The following MEGF11 variants were observed in gnomAD, a reference collection of about 807,000 sequenced individuals.
The protein encoded by MEGF11 is multiple EGF like domains 11.
MEGF11 carries 126 observed loss-of-function variants against 146.6 expected under a neutral mutation model. The observed-to-expected ratio is 0.86, with a 90% CI of 0.74 to 1.00. The LOEUF (loss-of-function observed/expected upper bound fraction) is 1.00, where lower values mean the gene tolerates loss of function less well. MEGF11 is among the 50% of genes least tolerant of loss of function. The pLI is 0.00. For synonymous variants in MEGF11, 532 were observed against 583.4 expected, an observed-to-expected ratio of 0.91 and a Z score of 1.27; for missense variants, 1,509 against 1,521.2, an observed-to-expected ratio of 0.99 and a Z score of 0.13.
At chr15:66,192,505 T>C (rs934393695) in intron 1 of MEGF11, among the ~76,000 whole-genome samples, 10 of 149,492 alleles carry the variant, frequency 6.7e-5, no homozygotes, top group Non-Finnish European at 1.2e-4. Flanking sequence ...TAAAATAAAA[T>C]AAAATAAAAT....
chr15:66,046,780 C>A (rs189451149), intron 5 of MEGF11, among the ~76,000 whole-genome samples: 12 of 152,314 alleles, frequency 7.9e-5, no homozygotes, highest in Admixed American at 3.3e-4. Flanking sequence ...ACACAGTAGG[C>A]TTTGCTGGCC....
At chr15:66,098,577 T>C (rs370773095) in intron 4 of MEGF11, among the ~76,000 whole-genome samples, 1 of 152,096 alleles carries the variant, frequency 6.6e-6, no homozygotes. Flanking sequence ...GAAAGGGTGG[T>C]AGCCTCCCAG....
intron 5 of MEGF11, among the ~76,000 whole-genome samples, chr15:65,984,755 T>TTTAC (rs994279416): frequency 6.6e-6 from 1 of 150,442 alleles, no homozygotes; most frequent in Admixed American, 6.6e-5. Context: ...ACAACCACAT[T>TTTAC]TTACTTATTT....
At chr15:65,905,195 A>G (rs1298374748) in intron 24 of MEGF11, 2 of 152,220 alleles carry the variant, frequency 1.3e-5, no homozygotes, top group Non-Finnish European at 2.9e-5. Flanking sequence ...GCCCGGCCTT[A>G]AGCTGTTTTA....
chr15:66,251,377 G>A (rs1009007649), intron 1 of MEGF11, among the ~76,000 whole-genome samples: 1 of 152,140 alleles, frequency 6.6e-6, no homozygotes, highest in African/African-American at 2.4e-5. Context: ...ATGCCTACAT[G>A]CACTCACTTC....
At chr15:66,198,852 C>T (rs546857099) in intron 1 of MEGF11, among the ~76,000 whole-genome samples, 1 of 152,266 alleles carries the variant, frequency 6.6e-6, no homozygotes, top group Non-Finnish European at 1.5e-5. Flanking sequence ...GGGCTCAAGC[C>T]ATCCGCCTGC....
Position 65,963,418 on chromosome 15 carries a change from A to G in MEGF11, c.1112+1490T>C, listed in dbSNP as rs535221242. Among the ~76,000 whole-genome samples the G allele has an allele frequency of 6.2e-4, 94 of 152,208 alleles. 1 individual carries two copies. Among genetic ancestry groups the G allele is most frequent in the African/African-American group, 2.1e-3 (88 of 41,496 alleles). On this transcript the variant is annotated intron_variant, in intron 9 of 25. Coordinates refer to ENST00000395614, the MANE Select transcript of MEGF11 (RefSeq NM_001385028.1). ...CAGCAGGGCCAGCCACATATATTTC[A>G]TCAGTTCTAAGATGTACTTCTCCTC...
intron 5 of MEGF11, among the ~76,000 whole-genome samples, chr15:66,042,373 G>C (rs1395984740): frequency 2.0e-5 from 3 of 152,126 alleles, no homozygotes; most frequent in Non-Finnish European, 4.4e-5. Context: ...GCCTCCCAAA[G>C]TGCTGGGATT....
At chr15:65,953,460 C>G (rs746704708) in intron 10 of MEGF11, among the ~76,000 whole-genome samples, 4 of 152,154 alleles carry the variant, frequency 2.6e-5, no homozygotes, top group Non-Finnish European at 5.9e-5. Context: ...GTCGCTAATC[C>G]TGTTTGAACT....
chr15:65,959,219 A>G (rs1567176746), intron 9 of MEGF11, among the ~76,000 whole-genome samples: 1 of 152,196 alleles, frequency 6.6e-6, no homozygotes, highest in Non-Finnish European at 1.5e-5. Context: ...CTCAGGGCCC[A>G]ACAGAGTCCC....
intron 2 of MEGF11, among the ~76,000 whole-genome samples, chr15:66,126,779 C>A (rs191810119): frequency 1.3e-5 from 2 of 152,188 alleles, no homozygotes; most frequent in African/African-American, 2.4e-5. Context: ...GGGCTCTTCC[C>A]GATACCTCTC....
intron 3 of MEGF11, among the ~76,000 whole-genome samples, chr15:66,120,913 C>T (rs2087990731): frequency 1.3e-5 from 2 of 152,158 alleles, no homozygotes; most frequent in Non-Finnish European, 1.5e-5. Flanking sequence ...TTGTTTCTAG[C>T]TCACCCATCT....
Position 66,054,398 on chromosome 15 carries a change from C to T in MEGF11, c.394+40004G>A, listed in dbSNP as rs560676112. ...AACTCCAGCCCCTCATCTCCACCTG[C>T]CCCCACAGACTCTCCAACATTCCCA... is the stretch of plus-strand genomic sequence containing the variant. On this transcript the variant is annotated intron_variant, in intron 5 of 25. Transcript: ENST00000395614. 2.8e-4 allele frequency among the ~76,000 whole-genome samples: 42 copies of T among 152,336 alleles called. No individual in the cohort carries two copies. In the South Asian group the frequency reaches 8.7e-3, roughly 32 times the overall value.
intron 8 of MEGF11, among the ~76,000 whole-genome samples, chr15:65,970,051 C>T (rs145292366): frequency 2.4e-4 from 36 of 152,264 alleles, no homozygotes; most frequent in African/African-American, 8.4e-4. Context: ...TGATTATCCA[C>T]TCTGCAAGGC....
intron 10 of MEGF11, among the ~76,000 whole-genome samples, chr15:65,931,392 T>G (rs2079569978): frequency 1.3e-5 from 2 of 152,158 alleles, no homozygotes; most frequent in South Asian, 4.1e-4. Flanking sequence ...CTGTCCACAC[T>G]GTGAGCGAGC....
Position 65,981,516 on chromosome 15 carries a change from G to A in MEGF11, c.642-618C>T, listed in dbSNP as rs941801315. Among the ~76,000 whole-genome samples the A allele has an allele frequency of 2.0e-5, 3 of 152,062 alleles. No individual in the cohort carries two copies. The East Asian group carries it at 5.8e-4, about 29-fold the overall frequency. On this transcript the variant is annotated intron_variant, in intron 6 of 25. Transcript: ENST00000395614. The stretch of plus-strand genomic sequence containing the variant: ...AGGACTTGGGAGCTGGCCAGACATC[G>A]GGGTAGGGAACACCCTCAATCAACA...
At chr15:66,155,312 C>G (rs74820510) in intron 1 of MEGF11, among the ~76,000 whole-genome samples, 4 of 152,140 alleles carry the variant, frequency 2.6e-5, no homozygotes, top group Non-Finnish European at 5.9e-5. Context: ...GGAGAGCCCT[C>G]GGCTGTAGAA....
At chr15:66,012,401 G>T (rs1444326458) in intron 5 of MEGF11, among the ~76,000 whole-genome samples, 2 of 152,260 alleles carry the variant, frequency 1.3e-5, no homozygotes, top group East Asian at 3.9e-4. Flanking sequence ...GTGGTGTGGG[G>T]GAGTCTGGGA....
intron 5 of MEGF11, among the ~76,000 whole-genome samples, chr15:66,036,881 C>T (rs546214179): frequency 8.9e-4 from 136 of 152,284 alleles, no homozygotes; most frequent in African/African-American, 3.2e-3. Flanking sequence ...TCAACTTCCC[C>T]TTCCCCTCTC....
Sources: allele counts gnomAD v4.1 joint callset (sites outside exome capture counted in the v4.1 genomes callset), GRCh38; gene constraint gnomAD v4.1.1; transcripts MANE v1.5; gene names NCBI Gene and HGNC (gene_info 2026-07-23, HGNC 2026-07-21).